VPS13B: variants seen among roughly 807,000 people sequenced by gnomAD.
VPS13B encodes intermembrane lipid transfer protein VPS13B.
A neutral mutation model predicts 426.4 loss-of-function variants in VPS13B; 285 were observed. That is an observed-to-expected ratio of 0.67 (90% CI 0.61 to 0.74). The LOEUF (loss-of-function observed/expected upper bound fraction) is 0.74, where lower values mean the gene tolerates loss of function less well. Among genes scored for constraint, VPS13B ranks in the 30% least tolerant of loss-of-function variants. The probability of loss-of-function intolerance (pLI) is 0.00; values close to 1 mark genes in which losing one functional copy is unlikely to be tolerated. For missense variants in VPS13B, 4,537 were observed against 4,782.6 expected (o/e 0.95, Z 1.51); for synonymous variants, 1,676 against 1,676.4 (o/e 1.00, Z 0.01).
intron 43 of VPS13B, among the ~76,000 whole-genome samples, chr8:99,803,989 C>G (rs1442712941): frequency 2.0e-5 from 3 of 152,198 alleles, no homozygotes; most frequent in African/African-American, 7.2e-5. Context: ...ATTACACTGA[C>G]TTGGCGTTTA....
intron 19 of VPS13B, among the ~76,000 whole-genome samples, chr8:99,379,354 G>A (rs193149777): frequency 2.0e-3 from 307 of 151,974 alleles, no homozygotes; most frequent in African/African-American, 7.0e-3. Flanking sequence ...TTTTTTTGGC[G>A]GATGGGCGGG....
chr8:99,286,365 A>G (rs2133033906), intron 19 of VPS13B, among the ~76,000 whole-genome samples: 1 of 152,320 alleles, frequency 6.6e-6, no homozygotes, highest in East Asian at 1.9e-4. Context: ...TAGAAATAAG[A>G]CAAGTGCTAA....
intron 33 of VPS13B, among the ~76,000 whole-genome samples, chr8:99,597,786 A>G (rs1424135305): frequency 2.0e-5 from 3 of 152,040 alleles, no homozygotes; most frequent in Admixed American, 2.0e-4. Flanking sequence ...AGTCGTTGGT[A>G]TTTGGCTCAC....
At chr8:99,826,203 C>T (rs1814673265) in intron 51 of VPS13B, among the ~76,000 whole-genome samples, 2 of 152,208 alleles carry the variant, frequency 1.3e-5, no homozygotes, top group African/African-American at 4.8e-5. Flanking sequence ...TGTCCATGAG[C>T]ATGGAATGTT....
intron 21 of VPS13B, among the ~76,000 whole-genome samples, chr8:99,409,709 A>G (rs1296706920): frequency 6.6e-6 from 1 of 152,174 alleles, no homozygotes; most frequent in African/African-American, 2.4e-5. Flanking sequence ...GATCAAGTAA[A>G]CATATTTAAT....
chr8:99,447,820 T>G (rs940446321), intron 23 of VPS13B, among the ~76,000 whole-genome samples: 2 of 152,050 alleles, frequency 1.3e-5, no homozygotes, highest in Non-Finnish European at 2.9e-5. Context: ...CGTGTTGCTG[T>G]AAATAGAATT....
intron 14 of VPS13B, among the ~76,000 whole-genome samples, chr8:99,151,901 T>C (rs1263761714): frequency 1.3e-5 from 2 of 152,154 alleles, no homozygotes; most frequent in Non-Finnish European, 2.9e-5. Flanking sequence ...TCCTCTTTCA[T>C]TTCTGACATT....
intron 15 of VPS13B, among the ~76,000 whole-genome samples, chr8:99,169,737 C>T (rs765882653): frequency 1.3e-4 from 20 of 151,598 alleles, no homozygotes; most frequent in Non-Finnish European, 2.4e-4. Context: ...TATATTTTAG[C>T]AGATAATAAA....
chr8:99,681,354 C>G (rs1326476151), intron 35 of VPS13B, among the ~76,000 whole-genome samples: 1 of 152,218 alleles, frequency 6.6e-6, no homozygotes, highest in Non-Finnish European at 1.5e-5. Context: ...CCTAGCCACT[C>G]TGTTCACACA....
rs1814454254 is a variant in VPS13B at position 99,391,648 on chromosome 8, A to C, written c.3026A>C (p.Gln1009Pro). 2 of 1,614,196 alleles carry C rather than the reference A, an allele frequency of 1.2e-6. No individual in the cohort carries two copies. The highest frequency in any genetic ancestry group is 1.7e-6 in the Non-Finnish European group (2 of 1,180,022). ...GGAAGTGCCCCCTTGGCAAAGCAGC[A>C]ATCATATCAGGCCTCTGAATATGCC... ...SIGSAPLAKQ[Q>P]SYQASEYASS... Residue 1009 changes from glutamine (Q) to proline (P), a missense_variant, in exon 21 of 62, where the codon CAA (glutamine) becomes CCA (proline). Gln to Pro is a moderately conservative substitution (Grantham distance 76). This residue lies in a region of VPS13B where 4,311 missense variants were observed against 4,474.3 expected (regional missense o/e 0.96). Coordinates refer to ENST00000357162, the MANE Select transcript of VPS13B (RefSeq NM_152564.5).
chr8:99,549,260 A>G (rs988539768), intron 30 of VPS13B, among the ~76,000 whole-genome samples: 34 of 152,146 alleles, frequency 2.2e-4, no homozygotes, highest in African/African-American at 8.0e-4. Context: ...AAATGTGGGT[A>G]GAATTCATTG....
At chr8:99,704,768 G>A (rs968624148) in intron 36 of VPS13B, among the ~76,000 whole-genome samples, 31 of 152,104 alleles carry the variant, frequency 2.0e-4, no homozygotes, top group Non-Finnish European at 4.3e-4. Context: ...GTCCCAAGTA[G>A]CTTAAACCCA....
chr8:99,028,678 C>G, intron 2 of VPS13B, among the ~76,000 whole-genome samples: 2 of 134,686 alleles, frequency 1.5e-5, no homozygotes, highest in Admixed American at 7.1e-5. Flanking sequence ...GGCTGACCCC[C>G]CCACCTCCCT....
chr8:99,148,267 G>A (rs1810854732), intron 14 of VPS13B, among the ~76,000 whole-genome samples: 1 of 151,532 alleles, frequency 6.6e-6, no homozygotes, highest in Non-Finnish European at 1.5e-5. Context: ...AGGAGGCTGA[G>A]GTGGGAGGAT....
intron 25 of VPS13B, among the ~76,000 whole-genome samples, chr8:99,490,211 T>C (rs1408351716): frequency 6.6e-6 from 1 of 152,216 alleles, no homozygotes; most frequent in South Asian, 2.1e-4. Flanking sequence ...GTTTATTGAT[T>C]TGCATATGTT....
chr8:99,762,822 T>C (rs1811000545), intron 39 of VPS13B, among the ~76,000 whole-genome samples: 1 of 152,012 alleles, frequency 6.6e-6, no homozygotes, highest in African/African-American at 2.4e-5. Flanking sequence ...TTTACACATA[T>C]GGGAACTTGT....
At chr8:99,679,721 C>G (rs1457161576) in intron 35 of VPS13B, among the ~76,000 whole-genome samples, 1 of 152,144 alleles carries the variant, frequency 6.6e-6, no homozygotes, top group East Asian at 1.9e-4. Flanking sequence ...TTCACACCTT[C>G]AATGAAAGCA....
intron 23 of VPS13B, among the ~76,000 whole-genome samples, chr8:99,453,917 T>G (rs1358755743): frequency 6.6e-6 from 1 of 152,148 alleles, no homozygotes. Context: ...CTCTGGGTGT[T>G]TTGCATTCTG....
chr8:99,122,044 A>G (rs1205892974), intron 8 of VPS13B, among the ~76,000 whole-genome samples: 1 of 147,118 alleles, frequency 6.8e-6, no homozygotes, highest in East Asian at 2.0e-4. Flanking sequence ...AATATTTTGT[A>G]GAGTTGGGGT....
Sources: allele counts gnomAD v4.1 joint callset (sites outside exome capture counted in the v4.1 genomes callset), GRCh38; gene constraint gnomAD v4.1.1; regional missense constraint gnomAD v4.1.1; transcripts MANE v1.5; gene names NCBI Gene and HGNC (gene_info 2026-07-23, HGNC 2026-07-21).